The following CACNA1A variants were observed in gnomAD, a reference collection of about 807,000 sequenced individuals.
CACNA1A encodes calcium voltage-gated channel subunit alpha1 A, also known as voltage-dependent P/Q-type calcium channel subunit alpha-1A.
CACNA1A carries 57 observed loss-of-function variants against 262.4 expected under a neutral mutation model. That is an observed-to-expected ratio of 0.22 (90% confidence interval 0.18 to 0.27). The LOEUF is 0.27. Among genes scored for constraint, CACNA1A ranks in the 10% least tolerant of loss-of-function variants. The pLI is 1.00. For missense variants in CACNA1A, 2,526 were observed against 3,562.8 expected (o/e 0.71, Z 7.41); for synonymous variants, 1,431 against 1,419.3 (o/e 1.01, Z -0.18).
At chr19:13,475,602 C>T (rs1183328269) in intron 1 of CACNA1A, among the ~76,000 whole-genome samples, 1 of 152,110 alleles carries the variant, frequency 6.6e-6, no homozygotes, top group Non-Finnish European at 1.5e-5. Context: ...TAAAGGATAC[C>T]CCCTCAGGAA....
chr19:13,347,835 A>C (rs2058820833), intron 6 of CACNA1A, among the ~76,000 whole-genome samples: 1 of 152,254 alleles, frequency 6.6e-6, no homozygotes, highest in African/African-American at 2.4e-5. Context: ...AACATCTATG[A>C]ATGAAAAAGG....
chr19:13,286,488 A>C lies in CACNA1A; in HGVS notation c.3553+15T>G. 1 of 1,196,872 alleles carries C rather than the reference A, an allele frequency of 8.4e-7. No individual in the cohort carries two copies. The highest frequency in any genetic ancestry group is 1.2e-6 in the Non-Finnish European group (1 of 862,882). The allele number at this position is 1,196,872 out of a possible 1,614,324, so 74.1% of individuals were successfully genotyped here. On this transcript the variant is annotated intron_variant, in intron 20 of 46. Coordinates refer to ENST00000360228, the MANE Select transcript of CACNA1A (RefSeq NM_001127222.2). ...CAGGTCCCCTGCCCAGTGATGTGAG[A>C]GCAGAGGGTCTCACCTTGTACGACG...
intron 1 of CACNA1A, among the ~76,000 whole-genome samples, chr19:13,501,437 G>A (rs1447439259): frequency 6.6e-6 from 1 of 152,008 alleles, no homozygotes; most frequent in Non-Finnish European, 1.5e-5. Flanking sequence ...GCCTCCCAAA[G>A]TGCTGGGATT....
At chr19:13,284,888 G>A (rs985548909) in intron 21 of CACNA1A, among the ~76,000 whole-genome samples, 180 bp downstream of exon 21, 2 of 152,186 alleles carry the variant, frequency 1.3e-5, no homozygotes, top group African/African-American at 4.8e-5. Flanking sequence ...TTCCAACAAA[G>A]TATATTGTGA....
chr19:13,311,647 C>T lies in CACNA1A; in HGVS notation c.1668+1022G>A, dbSNP rs1489705038. ...GGTCAGGAGATCAAGACCATCCTGG[C>T]TAACACGGTGAAACCCCATCTCTAC... is the stretch of plus-strand genomic sequence containing the variant. On this transcript the variant is annotated intron_variant, in intron 12 of 46. Coordinates refer to ENST00000360228, the MANE Select transcript of CACNA1A (RefSeq NM_001127222.2). Among the ~76,000 whole-genome samples, 3 of 152,126 alleles carry T rather than the reference C, an allele frequency of 2.0e-5. 1 individual carries two copies. The highest frequency in any genetic ancestry group is 7.2e-5 in the African/African-American group (3 of 41,434).
intron 1 of CACNA1A, among the ~76,000 whole-genome samples, chr19:13,482,430 C>T (rs1723537693): frequency 6.6e-6 from 1 of 151,800 alleles, no homozygotes; most frequent in African/African-American, 2.4e-5. Flanking sequence ...TTCCAGTGAG[C>T]CGAGATCGTG....
chr19:13,317,437 C>T (rs1476202164), intron 10 of CACNA1A, 116 bp from the exon 11 acceptor site: 3 of 826,356 alleles, frequency 3.6e-6, no homozygotes, highest in African/African-American at 3.4e-5. Flanking sequence ...CTCCAGCAAG[C>T]CTCTGGCCTG....
At chr19:13,283,543 G>A (rs1041793493) in intron 21 of CACNA1A, 147 bp from the exon 22 acceptor site, 4 of 1,029,198 alleles carry the variant, frequency 3.9e-6, no homozygotes, top group Non-Finnish European at 5.6e-6. Flanking sequence ...TCCTCCAGGT[G>A]GGGGCCCTCT....
rs1207545515 is a variant in CACNA1A at position 13,413,878 on chromosome 19, CAAGAAAGAAAGAAAGAAAAAGAAAGA to C, written c.539+38972_539+38997del. 4.2e-4 allele frequency among the ~76,000 whole-genome samples: 34 copies of C among 80,450 alleles called. 1 individual carries two copies. Among genetic ancestry groups the C allele is most frequent in the African/African-American group, 2.8e-3 (34 of 12,232 alleles). The allele number at this position is 80,450 out of a possible 152,430, so 52.8% of individuals were successfully genotyped here. ...TCTGGGTGACAGAGCCAGACTCTGT[CAAGAAAGAAAGAAAGAAAAAGAAAGA>C]AAGAAAGAAAGAAAGAAAGAAAGAA... On this transcript the variant is annotated intron_variant, in intron 3 of 46. Transcript: ENST00000360228.
Position 13,308,560 on chromosome 19 carries a change from G to A in CACNA1A, c.1669-32C>T. ...CAGAGAACCTGGTCTCATGTCCAGG[G>A]ACAGTGTCTGGGCTCCAGAACTGGC... On this transcript the variant is annotated intron_variant, in intron 12 of 46. Coordinates refer to ENST00000360228, the MANE Select transcript of CACNA1A (RefSeq NM_001127222.2). The surrounding 1 kb of genome is among the most constrained non-coding windows in gnomAD (Gnocchi z 4.2). The A allele has an allele frequency of 7.2e-7, 1 of 1,397,126 alleles. No individual in the cohort carries two copies. Among genetic ancestry groups the A allele is most frequent in the Non-Finnish European group, 1.0e-6 (1 of 996,718 alleles). The allele number at this position is 1,397,126 out of a possible 1,614,324, so 86.5% of individuals were successfully genotyped here. A position where few individuals can be genotyped will look rare whatever the true frequency, so the allele number is the denominator to read the frequency against.
At chr19:13,376,083 A>G (rs1305500014) in intron 3 of CACNA1A, among the ~76,000 whole-genome samples, 1 of 152,202 alleles carries the variant, frequency 6.6e-6, no homozygotes, top group African/African-American at 2.4e-5. Flanking sequence ...ATCTTGGTTC[A>G]TGAGGTTTAA....
chr19:13,295,754 C>G (rs542769846), intron 19 of CACNA1A, among the ~76,000 whole-genome samples: 10 of 152,138 alleles, frequency 6.6e-5, no homozygotes, highest in Non-Finnish European at 1.5e-4. Context: ...CTCAGCCTCC[C>G]AATGCACTGG....
chr19:13,445,028 T>C (rs1377594194), intron 3 of CACNA1A, among the ~76,000 whole-genome samples: 1 of 151,344 alleles, frequency 6.6e-6, no homozygotes, highest in African/African-American at 2.4e-5. Context: ...TAATCCCAGC[T>C]ACTCAGAAGG....
intron 19 of CACNA1A, among the ~76,000 whole-genome samples, chr19:13,287,813 T>C (rs1238999303): frequency 5.9e-5 from 9 of 151,342 alleles, no homozygotes; most frequent in African/African-American, 2.2e-4. Context: ...CTTTTTTTTT[T>C]TTTTTTTCAG....
chr19:13,485,988 C>T (rs950522316), intron 1 of CACNA1A, among the ~76,000 whole-genome samples: 4 of 152,202 alleles, frequency 2.6e-5, no homozygotes, highest in Non-Finnish European at 5.9e-5. Flanking sequence ...TAAACAAGAT[C>T]ATGAAGGAGC....
At chr19:13,234,068 G>GAAT (rs1568445659) in intron 34 of CACNA1A, among the ~76,000 whole-genome samples, 1 of 128,072 alleles carries the variant, frequency 7.8e-6, no homozygotes, top group Non-Finnish European at 1.7e-5. Context: ...AAAAAAAAAG[G>GAAT]GCTGGGCACG....
intron 3 of CACNA1A, among the ~76,000 whole-genome samples, chr19:13,438,391 A>G (rs1310446802): frequency 6.6e-6 from 1 of 152,234 alleles, no homozygotes; most frequent in African/African-American, 2.4e-5. Flanking sequence ...AGCCCTTAAG[A>G]AGGCTGAACA....
chr19:13,345,441 G>A (rs2058747369), intron 6 of CACNA1A, among the ~76,000 whole-genome samples: 1 of 152,132 alleles, frequency 6.6e-6, no homozygotes, highest in Admixed American at 6.6e-5. Context: ...GGATGTTACT[G>A]ATTCATCCCA....
chr19:13,400,029 G>A (rs1046443202), intron 3 of CACNA1A, among the ~76,000 whole-genome samples: 1 of 152,172 alleles, frequency 6.6e-6, no homozygotes, highest in Non-Finnish European at 1.5e-5. Context: ...ACGCAGTGTT[G>A]CAAAGATGAA....
Sources: allele counts gnomAD v4.1 joint callset (sites outside exome capture counted in the v4.1 genomes callset), GRCh38; gene constraint gnomAD v4.1.1; non-coding constraint Gnocchi (gnomAD v3.1); transcripts MANE v1.5; gene names NCBI Gene and HGNC (gene_info 2026-07-23, HGNC 2026-07-21).